Variants in RBMS3 observed in about 807,000 individuals in gnomAD.
The protein encoded by RBMS3 is RNA binding motif single stranded interacting protein 3, also known as RNA-binding motif, single-stranded-interacting protein 3.
Under a neutral mutation model 66.8 loss-of-function variants are expected in RBMS3, and 27 were observed. That is an observed-to-expected ratio of 0.40 (90% CI 0.30 to 0.56). The LOEUF (loss-of-function observed/expected upper bound fraction) is 0.56, where lower values mean the gene tolerates loss of function less well. Among genes scored for constraint, RBMS3 ranks in the 20% least tolerant of loss-of-function variants. The pLI is 0.40. For synonymous variants in RBMS3, 188 were observed against 183.0 expected (o/e 1.03, Z -0.22); for missense variants, 513 against 549.5 (o/e 0.93, Z 0.66).
At chr3:29,442,590 C>G (rs4146793) in intron 2 of RBMS3, among the ~76,000 whole-genome samples, 136,416 of 152,194 alleles carry the variant, frequency 0.9, 61,280 homozygotes, top group Non-Finnish European at 0.93. Context: ...GCTGAGTAAA[C>G]ATCTGGAGCT....
chr3:29,591,057 CAT>C (rs954402457), intron 4 of RBMS3, among the ~76,000 whole-genome samples: 7 of 152,124 alleles, frequency 4.6e-5, no homozygotes, highest in African/African-American at 1.7e-4. Context: ...AAAACTGAGT[CAT>C]ATGATTTCCC....
intron 1 of RBMS3, among the ~76,000 whole-genome samples, chr3:29,291,154 A>C (rs562811261): frequency 6.6e-5 from 10 of 152,020 alleles, no homozygotes; most frequent in African/African-American, 2.2e-4. Flanking sequence ...TATGCATATA[A>C]ATGTTAATTG....
intron 1 of RBMS3, among the ~76,000 whole-genome samples, chr3:29,397,363 A>G (rs181862055): frequency 6.6e-6 from 1 of 152,278 alleles, no homozygotes; most frequent in East Asian, 1.9e-4. Context: ...AACTGATTAT[A>G]TTCTTCCTTA....
At chr3:29,296,904 A>C (rs1575489889) in intron 1 of RBMS3, among the ~76,000 whole-genome samples, 1 of 151,456 alleles carries the variant, frequency 6.6e-6, no homozygotes, top group East Asian at 1.9e-4. Flanking sequence ...CACTTTAGTC[A>C]AATTAGCATT....
chr3:29,613,629 G>A (rs970223863), intron 4 of RBMS3, among the ~76,000 whole-genome samples: 10 of 151,832 alleles, frequency 6.6e-5, no homozygotes, highest in African/African-American at 2.4e-4. Context: ...TATATAAGAA[G>A]CTCAAACAAC....
chr3:29,469,037 C>A (rs1183381716), intron 2 of RBMS3, among the ~76,000 whole-genome samples: 1 of 152,068 alleles, frequency 6.6e-6, no homozygotes, highest in African/African-American at 2.4e-5. Context: ...AAAAATCAGA[C>A]CACATATTGG....
At chr3:29,625,562 G>A (rs2049029179) in intron 4 of RBMS3, among the ~76,000 whole-genome samples, 1 of 152,010 alleles carries the variant, frequency 6.6e-6, no homozygotes, top group African/African-American at 2.4e-5. Context: ...GCTGGGTGTG[G>A]TGGTGTGCAC....
At chr3:29,574,825 G>A (rs1307917971) in intron 3 of RBMS3, among the ~76,000 whole-genome samples, 11 of 128,208 alleles carry the variant, frequency 8.6e-5, no homozygotes, top group African/African-American at 2.2e-4. Context: ...GATTGCATAA[G>A]AAAACACACA....
At chr3:29,473,294 T>G (rs2042812886) in intron 2 of RBMS3, among the ~76,000 whole-genome samples, 2 of 151,978 alleles carry the variant, frequency 1.3e-5, no homozygotes, top group Non-Finnish European at 2.9e-5. Context: ...GATTGGTGTA[T>G]TTACAATCCC....
chr3:29,558,392 C>A (rs1424396663), intron 3 of RBMS3, among the ~76,000 whole-genome samples: 1 of 152,056 alleles, frequency 6.6e-6, no homozygotes, highest in Non-Finnish European at 1.5e-5. Flanking sequence ...ATGATCCAGG[C>A]AACATTATTT....
chr3:29,976,811 T>C (rs1167742047), intron 12 of RBMS3, among the ~76,000 whole-genome samples: 1 of 145,788 alleles, frequency 6.9e-6, no homozygotes, highest in African/African-American at 2.8e-5. Context: ...TCAGAAATAA[T>C]AGAATTATGC....
At chr3:29,943,492 C>A (rs545799983) in intron 11 of RBMS3, among the ~76,000 whole-genome samples, 1 of 151,798 alleles carries the variant, frequency 6.6e-6, no homozygotes, top group East Asian at 2.0e-4. Flanking sequence ...CCATGTAACC[C>A]CTAATTTTGA....
At chr3:29,396,593 C>T (rs770782715) in intron 1 of RBMS3, among the ~76,000 whole-genome samples, 36 of 152,000 alleles carry the variant, frequency 2.4e-4, no homozygotes, top group Admixed American at 4.6e-4. Flanking sequence ...CACTCTTGGA[C>T]GGTTCAGGAA....
chr3:29,928,983 C>T (rs2061032066), intron 10 of RBMS3, among the ~76,000 whole-genome samples: 1 of 152,166 alleles, frequency 6.6e-6, no homozygotes, highest in Non-Finnish European at 1.5e-5. Context: ...CTGAAGTGGC[C>T]TGGGATCTTT....
chr3:29,602,525 T>C (rs1275237033), intron 4 of RBMS3, among the ~76,000 whole-genome samples: 5 of 152,178 alleles, frequency 3.3e-5, no homozygotes, highest in Non-Finnish European at 5.9e-5. Context: ...GTGCTAATCC[T>C]TGTTGTTCCC....
At chr3:29,756,137 C>T (rs1038866704) in intron 5 of RBMS3, among the ~76,000 whole-genome samples, 1 of 152,106 alleles carries the variant, frequency 6.6e-6, no homozygotes, top group East Asian at 1.9e-4. Context: ...TTTTTTCTGA[C>T]ACCAAATGTG....
At chr3:29,889,194 G>T (rs149992734) in intron 8 of RBMS3, among the ~76,000 whole-genome samples, 1 of 151,508 alleles carries the variant, frequency 6.6e-6, no homozygotes, top group Non-Finnish European at 1.5e-5. Context: ...CTTGTTGAAC[G>T]TGGAATTCTG....
At chr3:29,681,334 A>AT (rs908092785) in intron 4 of RBMS3, among the ~76,000 whole-genome samples, 9 of 151,480 alleles carry the variant, frequency 5.9e-5, no homozygotes, top group East Asian at 2.0e-4. Flanking sequence ...CTATAACTTT[A>AT]TTTTTTTTTC....
At chr3:29,479,937 T>A (rs904330395) in intron 2 of RBMS3, among the ~76,000 whole-genome samples, 1 of 152,244 alleles carries the variant, frequency 6.6e-6, no homozygotes, top group Non-Finnish European at 1.5e-5. Context: ...CAGGTCCTCA[T>A]GGTCTCTATC....
Sources: allele counts gnomAD v4.1 joint callset (sites outside exome capture counted in the v4.1 genomes callset), GRCh38; gene constraint gnomAD v4.1.1; transcripts MANE v1.5; gene names NCBI Gene and HGNC (gene_info 2026-07-23, HGNC 2026-07-21).